SEMA3C: variants seen among roughly 807,000 people sequenced by gnomAD.
SEMA3C encodes semaphorin-3C.
SEMA3C carries 47 observed loss-of-function variants against 89.4 expected under a neutral mutation model. The observed-to-expected ratio is 0.53, with a 90% confidence interval of 0.42 to 0.67. SEMA3C has a LOEUF of 0.67. Among genes scored for constraint, SEMA3C ranks in the 30% least tolerant of loss-of-function variants. The probability of loss-of-function intolerance (pLI) is 0.00; values close to 1 mark genes in which losing one functional copy is unlikely to be tolerated. For missense variants in SEMA3C, 839 were observed against 929.1 expected, an observed-to-expected ratio of 0.90 and a Z score of 1.26; for synonymous variants, 310 against 320.2, an observed-to-expected ratio of 0.97 and a Z score of 0.34.
intron 12 of SEMA3C, among the ~76,000 whole-genome samples, chr7:80,767,729 G>T (rs1788335759): frequency 6.6e-6 from 1 of 152,080 alleles, no homozygotes; most frequent in African/African-American, 2.4e-5. Context: ...GTCATAAGAA[G>T]AATTAACTTG....
intron 15 of SEMA3C, among the ~76,000 whole-genome samples, chr7:80,754,167 C>T (rs2117038862): frequency 6.6e-6 from 1 of 152,298 alleles, no homozygotes; most frequent in Non-Finnish European, 1.5e-5. Context: ...CAACTCCTGA[C>T]CTCAGGCAAT....
chr7:80,767,284 T>C (rs911949717), intron 12 of SEMA3C, among the ~76,000 whole-genome samples: 34 of 152,186 alleles, frequency 2.2e-4, no homozygotes, highest in South Asian at 2.1e-4. Context: ...TATCTCAAAA[T>C]GTAGAGGAAA....
intron 17 of SEMA3C, among the ~76,000 whole-genome samples, chr7:80,748,610 A>G (rs542192127): frequency 3.9e-5 from 6 of 152,224 alleles, no homozygotes; most frequent in African/African-American, 1.4e-4. Flanking sequence ...ATTTGCACAC[A>G]TCTTGTTTCT....
At chr7:80,848,626 A>G (rs1790442807) in intron 2 of SEMA3C, among the ~76,000 whole-genome samples, 1 of 152,140 alleles carries the variant, frequency 6.6e-6, no homozygotes, top group Non-Finnish European at 1.5e-5. Flanking sequence ...TCCCTCTTCC[A>G]GTTTTTGATG....
chr7:80,832,189 A>G (rs1401617582), intron 2 of SEMA3C, among the ~76,000 whole-genome samples: 4 of 152,118 alleles, frequency 2.6e-5, no homozygotes, highest in Non-Finnish European at 5.9e-5. Flanking sequence ...GTGATTCATG[A>G]TGTATAGGAA....
intron 2 of SEMA3C, among the ~76,000 whole-genome samples, chr7:80,863,944 TATGTATATCAC>T (rs1428332217): frequency 4.0e-4 from 55 of 138,460 alleles, no homozygotes; most frequent in Admixed American, 1.8e-3. Context: ...ACATATATAA[TATGTATATCAC>T]ATGTATATCA....
chr7:80,918,377 GAT>G (rs1276052011), intron 1 of SEMA3C: 9 of 152,136 alleles, frequency 5.9e-5, no homozygotes, highest in African/African-American at 2.2e-4. Context: ...GTGAAACGAA[GAT>G]AGTCTACAGG....
At chr7:80,828,413 C>A (rs1053738452) in intron 3 of SEMA3C, among the ~76,000 whole-genome samples, 172 bp downstream of exon 3, 1 of 152,130 alleles carries the variant, frequency 6.6e-6, no homozygotes, top group African/African-American at 2.4e-5. Flanking sequence ...ACGATGAGAA[C>A]TGAACTTAAT....
chr7:80,888,571 T>C (rs1791537753), intron 2 of SEMA3C, among the ~76,000 whole-genome samples: 1 of 152,176 alleles, frequency 6.6e-6, no homozygotes, highest in African/African-American at 2.4e-5. Flanking sequence ...CTAGGAGACA[T>C]ACATAAAATA....
At chr7:80,850,199 A>G (rs1468119104) in intron 2 of SEMA3C, among the ~76,000 whole-genome samples, 3 of 152,214 alleles carry the variant, frequency 2.0e-5, no homozygotes, top group Admixed American at 2.0e-4. Context: ...ATACTTTTGG[A>G]AGGAATATAA....
chr7:80,880,614 G>A (rs552938601), intron 2 of SEMA3C, among the ~76,000 whole-genome samples: 14 of 152,150 alleles, frequency 9.2e-5, no homozygotes, highest in African/African-American at 1.9e-4. Context: ...CCATGTATAC[G>A]CCATAATCTT....
chr7:80,768,614 G>T (rs1449910517), intron 12 of SEMA3C, among the ~76,000 whole-genome samples: 1 of 152,178 alleles, frequency 6.6e-6, no homozygotes, highest in Non-Finnish European at 1.5e-5. Context: ...ATTTGGGGAT[G>T]GGGATGCTGT....
intron 1 of SEMA3C, among the ~76,000 whole-genome samples, chr7:80,917,610 T>G (rs943904479): frequency 1.1e-4 from 17 of 152,216 alleles, no homozygotes; most frequent in Non-Finnish European, 2.5e-4. Context: ...AATTGGTACA[T>G]GCTATTAACT....
At chr7:80,890,184 TG>T (rs1206892640) in intron 2 of SEMA3C, among the ~76,000 whole-genome samples, 1 of 152,138 alleles carries the variant, frequency 6.6e-6, no homozygotes, top group Non-Finnish European at 1.5e-5. Flanking sequence ...TATCATTTTT[TG>T]ATAAAATATT....
In SEMA3C at chr7:80,876,765, A is replaced by G. The variant is rs138660999; in HGVS notation, c.103+39914T>C. On this transcript the variant is annotated intron_variant, in intron 2 of 17. Coordinates refer to ENST00000265361, the MANE Select transcript of SEMA3C (RefSeq NM_006379.5). Reference sequence around the variant, plus strand: ...ATAATATTTAAATTAGGCCACAATGAAAGTCCCATGAATTCTTCAATTTGT... The same window carrying G: ...ATAATATTTAAATTAGGCCACAATGGAAGTCCCATGAATTCTTCAATTTGT... Among the ~76,000 whole-genome samples the G allele has an allele frequency of 5.9e-3, 902 of 152,346 alleles. 15 individuals carry two copies. The highest frequency in any genetic ancestry group is 6.5e-3 in the Non-Finnish European group (441 of 68,036).
chr7:80,789,082 A>G (rs1025600848), intron 12 of SEMA3C, among the ~76,000 whole-genome samples: 2 of 151,950 alleles, frequency 1.3e-5, no homozygotes, highest in African/African-American at 2.4e-5. Context: ...TATAATGTAT[A>G]TATCTCTATA....
intron 2 of SEMA3C, among the ~76,000 whole-genome samples, chr7:80,859,955 C>G (rs942715686): frequency 6.6e-6 from 1 of 151,918 alleles, no homozygotes; most frequent in African/African-American, 2.4e-5. Flanking sequence ...AAAAATGTCT[C>G]ATCTGTGTGC....
At chr7:80,833,772 T>C (rs978709661) in intron 2 of SEMA3C, among the ~76,000 whole-genome samples, 1 of 141,344 alleles carries the variant, frequency 7.1e-6, no homozygotes, top group African/African-American at 2.6e-5. Context: ...GAAACGACCA[T>C]TTTTTTTTTT....
At chr7:80,810,750 G>T in intron 5 of SEMA3C, 49 bp from the exon 6 acceptor site, 1 of 1,363,644 alleles carries the variant, frequency 7.3e-7, no homozygotes, top group Non-Finnish European at 1.0e-6. Context: ...CTTATTTAGT[G>T]AAGACAATTG....
Sources: allele counts gnomAD v4.1 joint callset (sites outside exome capture counted in the v4.1 genomes callset), GRCh38; gene constraint gnomAD v4.1.1; transcripts MANE v1.5; gene names NCBI Gene and HGNC (gene_info 2026-07-23, HGNC 2026-07-21).